The following CPE variants were observed in gnomAD, a reference collection of about 807,000 sequenced individuals.
CPE encodes the protein carboxypeptidase E, also known as carbocypeptidase E.
A neutral mutation model predicts 53.5 loss-of-function variants in CPE; 17 were observed. The ratio of observed to expected loss-of-function variants is 0.32; its 90% CI spans 0.22 to 0.48. The LOEUF is 0.48. Ranked by LOEUF, CPE falls within the 20% of genes least tolerant of loss-of-function variation. The probability of loss-of-function intolerance (pLI) is 0.99; values close to 1 mark genes in which losing one functional copy is unlikely to be tolerated. For synonymous variants in CPE, 226 were observed against 228.8 expected (o/e 0.99, Z 0.11); for missense variants, 524 against 614.7 (o/e 0.85, Z 1.56).
chr4:165,405,059 T>C (rs557031479), intron 1 of CPE: 1 of 719,650 alleles, frequency 1.4e-6, no homozygotes, highest in African/African-American at 1.7e-5. Context: ...AAAACCTTGG[T>C]AATCAAGCTT....
At chr4:165,405,620 C>A in intron 1 of CPE, 1 of 789,094 alleles carries the variant, frequency 1.3e-6, no homozygotes, top group Non-Finnish European at 2.3e-6. Context: ...ATCAGCTAGT[C>A]CTTTGGGAAA....
chr4:165,469,878 T>G (rs1215726995), intron 3 of CPE, among the ~76,000 whole-genome samples: 1 of 152,128 alleles, frequency 6.6e-6, no homozygotes, highest in Admixed American at 6.5e-5. Flanking sequence ...CAGACAAGTG[T>G]TCATCATGGG....
At chr4:165,489,899 A>T (rs942054819) in intron 6 of CPE, among the ~76,000 whole-genome samples, 1 of 152,238 alleles carries the variant, frequency 6.6e-6, no homozygotes, top group Non-Finnish European at 1.5e-5. Flanking sequence ...CCACAGATCC[A>T]TGTGATCTAC....
intron 1 of CPE, among the ~76,000 whole-genome samples, chr4:165,416,319 G>A: frequency 6.6e-6 from 1 of 152,164 alleles, no homozygotes; most frequent in Non-Finnish European, 1.5e-5. Flanking sequence ...CCCTCTGGGG[G>A]CTCTGGGCGG....
At chr4:165,396,078 G>C (rs951714759) in intron 1 of CPE, among the ~76,000 whole-genome samples, 1 of 152,126 alleles carries the variant, frequency 6.6e-6, no homozygotes. Flanking sequence ...AGGTATGTGT[G>C]TGTTGAAATC....
chr4:165,424,659 G>C (rs113514042), intron 1 of CPE, among the ~76,000 whole-genome samples: 4 of 151,284 alleles, frequency 2.6e-5, no homozygotes, highest in African/African-American at 9.7e-5. Context: ...TCAGCCTCCC[G>C]AGTACCTGGG....
chr4:165,454,605 G>C (rs2126694249), intron 1 of CPE, among the ~76,000 whole-genome samples: 1 of 152,272 alleles, frequency 6.6e-6, no homozygotes, highest in African/African-American at 2.4e-5. Flanking sequence ...CACCCACACA[G>C]GTTCTGATGA....
chr4:165,477,943 C>T (rs1409376209), intron 3 of CPE, among the ~76,000 whole-genome samples: 1 of 152,148 alleles, frequency 6.6e-6, no homozygotes, highest in Non-Finnish European at 1.5e-5. Context: ...CCCAGACTTC[C>T]TTCTCTAAGT....
chr4:165,425,945 G>T (rs901590753), intron 1 of CPE, among the ~76,000 whole-genome samples: 1 of 152,180 alleles, frequency 6.6e-6, no homozygotes, highest in Non-Finnish European at 1.5e-5. Context: ...GGTTATACCT[G>T]TGTAGCTTAC....
chr4:165,494,535 G>A (rs1034697829), intron 7 of CPE, among the ~76,000 whole-genome samples: 8 of 152,192 alleles, frequency 5.3e-5, no homozygotes, highest in Non-Finnish European at 1.0e-4. Flanking sequence ...GTGAAAAAGC[G>A]TTAATTAAGA....
At chr4:165,410,046 G>A (rs1359322870) in intron 1 of CPE, among the ~76,000 whole-genome samples, 2 of 151,926 alleles carry the variant, frequency 1.3e-5, no homozygotes, top group African/African-American at 2.4e-5. Context: ...TCAGGAGTTC[G>A]AGACCAGCCT....
rs1413178527 is a variant in CPE at position 165,379,103 on chromosome 4, G to A, written c.-119G>A. The A allele has an allele frequency of 5.5e-6, 5 of 905,444 alleles. No individual in the cohort carries two copies. Among genetic ancestry groups the A allele is most frequent in the Non-Finnish European group, 7.1e-6 (5 of 702,182 alleles). The allele number at this position is 905,444 out of a possible 1,614,324, so 56.1% of individuals were successfully genotyped here. On this transcript the variant is annotated 5_prime_UTR_variant, in exon 1 of 9. Coordinates refer to ENST00000402744, the MANE Select transcript of CPE (RefSeq NM_001873.4). This position sits in a 1 kb window ranked among gnomAD's most constrained non-coding sequence, Gnocchi z 6.0. ...CATTCAGCCGGGGAAGGTGAGGCGA[G>A]TAGAGGCTGGTGCGGAACTTGCCGC...
chr4:165,452,150 G>T (rs955420264), intron 1 of CPE, among the ~76,000 whole-genome samples: 4 of 152,090 alleles, frequency 2.6e-5, no homozygotes, highest in Non-Finnish European at 4.4e-5. Context: ...CTAGAGGTTG[G>T]GAAGGGAAGG....
intron 1 of CPE, among the ~76,000 whole-genome samples, chr4:165,418,519 T>C (rs142102297): frequency 1.8e-3 from 275 of 152,324 alleles, no homozygotes; most frequent in African/African-American, 6.0e-3. Context: ...AAACAGAATA[T>C]TAAGTAAGTG....
intron 1 of CPE, chr4:165,404,083 GT>G: frequency 3.2e-6 from 3 of 933,822 alleles, no homozygotes; most frequent in Non-Finnish European, 5.3e-6. Context: ...GAAACTTCTT[GT>G]TAGGGCTGTT....
In CPE at chr4:165,493,338, A is replaced by G; in HGVS notation, c.1213+68A>G. On this transcript the variant is annotated intron_variant, in intron 7 of 8. Transcript: ENST00000402744. ...AGCATAATTACTAATTATCATAATT[A>G]TAAGTCTTATGTTCTTCTAAGCAAA... is the stretch of plus-strand genomic sequence containing the variant. The G allele has an allele frequency of 3.6e-6, 4 of 1,119,614 alleles. No homozygotes were observed. In the Admixed American group the frequency reaches 7.5e-5, roughly 21 times the overall value. The allele number at this position is 1,119,614 out of a possible 1,614,324, so 69.4% of individuals were successfully genotyped here.
chr4:165,438,276 A>C (rs528171523), intron 1 of CPE, among the ~76,000 whole-genome samples: 1 of 152,218 alleles, frequency 6.6e-6, no homozygotes, highest in Admixed American at 6.6e-5. Flanking sequence ...ATATTGGCGA[A>C]GTTTGATAAA....
At chr4:165,438,427 A>G (rs566585783) in intron 1 of CPE, among the ~76,000 whole-genome samples, 19 of 152,210 alleles carry the variant, frequency 1.2e-4, no homozygotes, top group Non-Finnish European at 2.6e-4. Context: ...GAGTAGGGGA[A>G]ACAATTGGTC....
intron 1 of CPE, among the ~76,000 whole-genome samples, chr4:165,431,938 G>T (rs1423241120): frequency 3.3e-5 from 5 of 151,972 alleles, no homozygotes; most frequent in African/African-American, 4.8e-5. Flanking sequence ...GAGTGTAGTA[G>T]ATGGGAAAAC....
Sources: gnomAD v4.1 joint callset for allele counts (sites outside exome capture counted in the v4.1 genomes callset) on GRCh38, gnomAD v4.1.1 for gene constraint, Gnocchi (gnomAD v3.1) non-coding constraint, MANE v1.5 for transcripts, NCBI Gene and HGNC (gene_info 2026-07-23, HGNC 2026-07-21) for gene names.